CLSTN2: variants seen among roughly 807,000 people sequenced by gnomAD.
CLSTN2 encodes calsyntenin 2.
CLSTN2 carries 48 observed loss-of-function variants against 101.2 expected under a neutral mutation model. The observed-to-expected ratio is 0.47, with a 90% CI of 0.38 to 0.60. CLSTN2 has a LOEUF of 0.60. CLSTN2 is among the 20% of genes least tolerant of loss of function. CLSTN2 has a pLI of 0.00. For synonymous variants in CLSTN2, 481 were observed against 463.6 expected, an observed-to-expected ratio of 1.04 and a Z score of -0.48; for missense variants, 1,160 against 1,238.2, an observed-to-expected ratio of 0.94 and a Z score of 0.95.
intron 1 of CLSTN2, among the ~76,000 whole-genome samples, chr3:140,173,603 C>G (rs907848863): frequency 1.3e-5 from 2 of 152,236 alleles, no homozygotes; most frequent in Non-Finnish European, 2.9e-5. Flanking sequence ...TCCATGAGAG[C>G]CACTCCCCTG....
chr3:140,203,436 G>A (rs1446678938), intron 2 of CLSTN2, among the ~76,000 whole-genome samples: 1 of 148,242 alleles, frequency 6.7e-6, no homozygotes. Context: ...GCTGATGAGG[G>A]AAGAGGGGTT....
chr3:140,296,381 T>C (rs1045947425), intron 2 of CLSTN2, among the ~76,000 whole-genome samples: 8 of 152,346 alleles, frequency 5.3e-5, no homozygotes, highest in African/African-American at 1.4e-4. Context: ...TCTCAAAATT[T>C]CCTCACACTT....
intron 2 of CLSTN2, among the ~76,000 whole-genome samples, chr3:140,394,862 G>A (rs982270091): frequency 6.6e-6 from 1 of 152,120 alleles, no homozygotes; most frequent in Non-Finnish European, 1.5e-5. Context: ...TATGTCCAGG[G>A]ATGGTTTGCT....
chr3:140,135,174 G>T (rs2009597311), intron 1 of CLSTN2, among the ~76,000 whole-genome samples: 1 of 125,676 alleles, frequency 8.0e-6, no homozygotes, highest in Non-Finnish European at 1.6e-5. Flanking sequence ...AATATGCTGG[G>T]TATTACAGTC....
At chr3:140,071,787 C>T (rs1207404137) in intron 1 of CLSTN2, among the ~76,000 whole-genome samples, 1 of 151,790 alleles carries the variant, frequency 6.6e-6, no homozygotes, top group Non-Finnish European at 1.5e-5. Context: ...GCCGAGACTG[C>T]GCCACTGCAC....
intron 2 of CLSTN2, among the ~76,000 whole-genome samples, chr3:140,299,353 C>A (rs2087032047): frequency 6.6e-6 from 1 of 152,216 alleles, no homozygotes; most frequent in Non-Finnish European, 1.5e-5. Context: ...TTTTAAGGTT[C>A]ATTTATTATT....
At chr3:140,387,221 T>C (rs1307281523) in intron 2 of CLSTN2, among the ~76,000 whole-genome samples, 4 of 152,044 alleles carry the variant, frequency 2.6e-5, no homozygotes, top group African/African-American at 9.7e-5. Context: ...ATCAAGGAGA[T>C]CTCCACTGAG....
At chr3:140,307,687 C>T (rs994818391) in intron 2 of CLSTN2, among the ~76,000 whole-genome samples, 3 of 152,144 alleles carry the variant, frequency 2.0e-5, no homozygotes, top group Admixed American at 2.0e-4. Flanking sequence ...GTTTCTTCCT[C>T]TTTATCTTTT....
At chr3:140,197,525 A>G (rs1368301616) in intron 2 of CLSTN2, among the ~76,000 whole-genome samples, 2 of 152,198 alleles carry the variant, frequency 1.3e-5, no homozygotes, top group East Asian at 1.9e-4. Flanking sequence ...TCACGCTGTC[A>G]GGTAAATGTT....
intron 1 of CLSTN2, among the ~76,000 whole-genome samples, chr3:140,136,951 A>G (rs2009624445): frequency 6.6e-6 from 1 of 152,252 alleles, no homozygotes; most frequent in South Asian, 2.1e-4. Flanking sequence ...TGAAATGGCT[A>G]TAACATGTGG....
intron 8 of CLSTN2, among the ~76,000 whole-genome samples, chr3:140,526,591 CAAACAAAAAAAAA>C (rs1935144168): frequency 8.6e-6 from 1 of 115,770 alleles, no homozygotes; most frequent in African/African-American, 3.4e-5. Context: ...AACAAACAAA[CAAACAAAAAAAAA>C]AAACAACCAC....
At chr3:140,076,625 G>GTTTTTTTTTTTTTTTTTTTTTTT (rs35645750) in intron 1 of CLSTN2, among the ~76,000 whole-genome samples, 1 of 38,070 alleles carries the variant, frequency 2.6e-5, no homozygotes, top group African/African-American at 1.1e-4. Context: ...CACCAGCAGT[G>GTTTTTTTTTTTTTTTTTTTTTTT]TTTTTTTTTT....
intron 1 of CLSTN2, among the ~76,000 whole-genome samples, chr3:140,027,623 A>G (rs1233514689): frequency 1.3e-5 from 2 of 152,100 alleles, no homozygotes; most frequent in African/African-American, 4.8e-5. Context: ...CCCATCCTCA[A>G]TCAGTGTGAA....
At chr3:140,555,584 C>A (rs1230755044) in intron 10 of CLSTN2, among the ~76,000 whole-genome samples, 1 of 152,080 alleles carries the variant, frequency 6.6e-6, no homozygotes, top group East Asian at 1.9e-4. Context: ...AGTTAGGTAG[C>A]TACTTAAAAA....
intron 1 of CLSTN2, among the ~76,000 whole-genome samples, chr3:140,172,071 T>A (rs2010246196): frequency 6.6e-6 from 1 of 150,834 alleles, no homozygotes; most frequent in Non-Finnish European, 1.5e-5. Flanking sequence ...CAGGATGCTG[T>A]GGGAAGCACT....
intron 1 of CLSTN2, among the ~76,000 whole-genome samples, chr3:139,938,144 A>C (rs1006294147): frequency 4.0e-5 from 6 of 151,606 alleles, no homozygotes; most frequent in African/African-American, 1.2e-4. Flanking sequence ...CCATCACAAA[A>C]AAAAAAAAAA....
chr3:140,452,559 A>T (rs553106121), intron 6 of CLSTN2: 1 of 152,426 alleles, frequency 6.6e-6, no homozygotes, highest in African/African-American at 2.4e-5. Context: ...GACATTGCCC[A>T]CCTGCTTCCT....
At chr3:140,250,170 A>C (rs2086550211) in intron 2 of CLSTN2, among the ~76,000 whole-genome samples, 1 of 152,224 alleles carries the variant, frequency 6.6e-6, no homozygotes, top group Non-Finnish European at 1.5e-5. Flanking sequence ...TTCAGCAACC[A>C]AACTTTTTGC....
chr3:140,518,623 C>A (rs1201692823), intron 8 of CLSTN2, among the ~76,000 whole-genome samples: 1 of 152,174 alleles, frequency 6.6e-6, no homozygotes, highest in East Asian at 1.9e-4. Context: ...GATTCCTTTT[C>A]ACACTTTTAC....
Sources: allele counts gnomAD v4.1 joint callset (sites outside exome capture counted in the v4.1 genomes callset), GRCh38; gene constraint gnomAD v4.1.1; transcripts MANE v1.5; gene names NCBI Gene and HGNC (gene_info 2026-07-23, HGNC 2026-07-21).